The following FOXP1 variants were observed in gnomAD, a reference collection of about 807,000 sequenced individuals.
FOXP1 encodes the protein forkhead box P1.
Under a neutral mutation model 98.2 loss-of-function variants are expected in FOXP1, and 15 were observed. The ratio of observed to expected loss-of-function variants is 0.15; its 90% CI spans 0.10 to 0.24. The LOEUF (loss-of-function observed/expected upper bound fraction) is 0.24. Ranked by LOEUF, FOXP1 falls within the 10% of genes least tolerant of loss-of-function variation. FOXP1 has a pLI of 1.00. For missense variants in FOXP1, 633 were observed against 848.5 expected, an observed-to-expected ratio of 0.75 and a Z score of 3.15; for synonymous variants, 371 against 314.5, an observed-to-expected ratio of 1.18 and a Z score of -1.90.
chr3:71,553,865 C>T (rs958462291), intron 2 of FOXP1, among the ~76,000 whole-genome samples: 2 of 152,106 alleles, frequency 1.3e-5, no homozygotes, highest in Non-Finnish European at 2.9e-5. Flanking sequence ...TGGTTATCTA[C>T]GTATATATAA....
chr3:71,227,032 G>A (rs1456032966), intron 5 of FOXP1, among the ~76,000 whole-genome samples: 1 of 152,090 alleles, frequency 6.6e-6, no homozygotes, highest in African/African-American at 2.4e-5. Context: ...TGGCGGTGCC[G>A]GGCCTCCTGG....
rs1160453144 is a variant in FOXP1 at position 71,300,673 on chromosome 3, A to G, written c.-72-793T>C. Among the ~76,000 whole-genome samples the G allele has an allele frequency of 5.9e-5, 9 of 152,330 alleles. No homozygotes were observed. The East Asian group carries it at 1.5e-3, about 26-fold the overall frequency. ...TGGGATCAACATATGGCACGAGTGA[A>G]AAGAAAAACATTTGTTTATTAATTT... On this transcript the variant is annotated intron_variant, in intron 4 of 20. Transcript: ENST00000649528.
intron 7 of FOXP1, among the ~76,000 whole-genome samples, chr3:71,094,405 G>A (rs1020792938): frequency 1.3e-5 from 2 of 149,976 alleles, no homozygotes; most frequent in African/African-American, 2.5e-5. Flanking sequence ...TCAGCCTCCC[G>A]AGTAGCTGGG....
intron 3 of FOXP1, among the ~76,000 whole-genome samples, chr3:71,477,978 T>C (rs989208915): frequency 3.3e-5 from 5 of 152,218 alleles, no homozygotes; most frequent in Admixed American, 3.3e-4. Context: ...GGATTCATTA[T>C]AACAGAAACA....
At chr3:71,146,985 T>C (rs888343904) in intron 6 of FOXP1, among the ~76,000 whole-genome samples, 1 of 152,244 alleles carries the variant, frequency 6.6e-6, no homozygotes, top group African/African-American at 2.4e-5. Flanking sequence ...CAGCTTGCCT[T>C]TGAATGGTCC....
intron 3 of FOXP1, among the ~76,000 whole-genome samples, chr3:71,479,479 G>A (rs2090104204): frequency 6.6e-6 from 1 of 151,864 alleles, no homozygotes; most frequent in Admixed American, 6.6e-5. Flanking sequence ...AGGAGTTCAA[G>A]ACCATCCTGA....
At chr3:71,207,582 A>G (rs1319518444) in intron 5 of FOXP1, among the ~76,000 whole-genome samples, 1 of 152,160 alleles carries the variant, frequency 6.6e-6, no homozygotes, top group African/African-American at 2.4e-5. Flanking sequence ...CTTCTCTGAC[A>G]TAAAAGACCA....
chr3:71,125,530 T>C (rs1399651446), intron 6 of FOXP1, among the ~76,000 whole-genome samples: 6 of 152,172 alleles, frequency 3.9e-5, no homozygotes, highest in African/African-American at 9.7e-5. Context: ...GGCAAAGAAA[T>C]ACAGATTTGA....
chr3:71,459,761 T>A (rs1363438093), intron 3 of FOXP1, among the ~76,000 whole-genome samples: 1 of 152,132 alleles, frequency 6.6e-6, no homozygotes, highest in East Asian at 1.9e-4. Context: ...AGACTATATA[T>A]CATGATTTCA....
chr3:71,108,472 GA>G (rs1301515353), intron 7 of FOXP1, among the ~76,000 whole-genome samples: 3 of 152,192 alleles, frequency 2.0e-5, no homozygotes, highest in African/African-American at 4.8e-5. Context: ...AATATTTATA[GA>G]AGAAAGCCTA....
intron 6 of FOXP1, among the ~76,000 whole-genome samples, chr3:71,159,013 G>A (rs2060997552): frequency 6.7e-6 from 1 of 150,186 alleles, no homozygotes. Flanking sequence ...GGCTGAGGTA[G>A]GAGAATCCCT....
At chr3:70,974,009 T>C (rs2036960169) in intron 17 of FOXP1, among the ~76,000 whole-genome samples, 1 of 152,118 alleles carries the variant, frequency 6.6e-6, no homozygotes, top group African/African-American at 2.4e-5. Flanking sequence ...TTTTCTGATA[T>C]GGAATATTTA....
At chr3:71,538,860 T>C (rs753871604) in intron 2 of FOXP1, among the ~76,000 whole-genome samples, 5 of 152,172 alleles carry the variant, frequency 3.3e-5, no homozygotes, top group South Asian at 2.1e-4. Flanking sequence ...TGTTGTAAAG[T>C]AGAGGTCCAA....
rs554032566 is a variant in FOXP1 at position 71,259,727 on chromosome 3, T to G, written c.-12+40093A>C. Among the ~76,000 whole-genome samples the G allele has an allele frequency of 2.0e-5, 3 of 152,184 alleles. No individual in the cohort carries two copies. The South Asian group carries it at 6.2e-4, about 31-fold the overall frequency. ...AAAGTGCCTACAAATCAATTAACTA[T>G]CCATATTAAGAGGAGGTGCCTATCA... On this transcript the variant is annotated intron_variant, in intron 5 of 20. Transcript: ENST00000649528.
chr3:71,367,033 A>G (rs1178709866), intron 3 of FOXP1, among the ~76,000 whole-genome samples: 1 of 152,236 alleles, frequency 6.6e-6, no homozygotes, highest in Non-Finnish European at 1.5e-5. Context: ...AACCTCAAAC[A>G]GTTCTGAGTC....
chr3:71,000,024 G>C (rs1431937588), intron 13 of FOXP1, among the ~76,000 whole-genome samples: 1 of 152,034 alleles, frequency 6.6e-6, no homozygotes, highest in East Asian at 1.9e-4. Context: ...GCATAAATGG[G>C]GTTTGCAGGG....
chr3:71,560,591 A>G (rs1344293988), intron 2 of FOXP1, among the ~76,000 whole-genome samples: 13 of 152,238 alleles, frequency 8.5e-5, no homozygotes, highest in Non-Finnish European at 1.9e-4. Context: ...ACGAAAACAC[A>G]AAAATATGTA....
At chr3:71,056,060 G>T (rs978926736) in intron 7 of FOXP1, among the ~76,000 whole-genome samples, 5 of 152,138 alleles carry the variant, frequency 3.3e-5, no homozygotes, top group Non-Finnish European at 7.4e-5. Context: ...ACTTTTGGGG[G>T]CGATGGAAAT....
chr3:71,140,226 A>G (rs898415988), intron 6 of FOXP1, among the ~76,000 whole-genome samples: 10 of 152,210 alleles, frequency 6.6e-5, no homozygotes, highest in Non-Finnish European at 1.3e-4. Context: ...AAGTCTCAGC[A>G]TGACATCCAT....
Sources: allele counts gnomAD v4.1 joint callset (sites outside exome capture counted in the v4.1 genomes callset), GRCh38; gene constraint gnomAD v4.1.1; transcripts MANE v1.5; gene names NCBI Gene and HGNC (gene_info 2026-07-23, HGNC 2026-07-21).